Variants in TNPO1 observed in about 807,000 individuals in gnomAD.
The protein encoded by TNPO1 is transportin-1.
Under a neutral mutation model 119.5 loss-of-function variants are expected in TNPO1, and 8 were observed. That is an observed-to-expected ratio of 0.07 (90% CI 0.04 to 0.12). The LOEUF is 0.12. TNPO1 is among the 10% of genes least tolerant of loss of function. TNPO1 has a pLI of 1.00. For synonymous variants in TNPO1, 362 were observed against 363.0 expected, an observed-to-expected ratio of 1.00 and a Z score of 0.03; for missense variants, 576 against 1,089.8, an observed-to-expected ratio of 0.53 and a Z score of 6.64.
At chr5:72,855,389 A>G (rs1184633704) in intron 3 of TNPO1, among the ~76,000 whole-genome samples, 2 of 152,182 alleles carry the variant, frequency 1.3e-5, no homozygotes, top group East Asian at 3.8e-4. Context: ...GGCCATATAT[A>G]TAAACGAAAT....
At chr5:72,857,118 G>T (rs906832684) in intron 4 of TNPO1, among the ~76,000 whole-genome samples, 3 of 152,020 alleles carry the variant, frequency 2.0e-5, no homozygotes, top group Admixed American at 6.6e-5. Context: ...TCAGGAGTTC[G>T]AGACCAGCCT....
intron 1 of TNPO1, among the ~76,000 whole-genome samples, chr5:72,822,043 T>C (rs1743982266): frequency 6.6e-6 from 1 of 152,188 alleles, no homozygotes; most frequent in African/African-American, 2.4e-5. Context: ...CAAACTCTAA[T>C]ATATAGTAGA....
In TNPO1 at chr5:72,897,062, A is replaced by G. The variant is rs750913718; in HGVS notation, c.2249A>G (p.Glu750Gly). 6.3e-7 allele frequency: 1 copy of G among 1,591,214 alleles called. No homozygotes were observed. The highest frequency in any genetic ancestry group is 8.5e-7 in the Non-Finnish European group (1 of 1,172,600). ...TTTTTGGGATGATCTCTAGGTATAG[A>G]GATGCAGCCTTATATTCCTATGGTG... ...IGEISIQMGI[E>G]MQPYIPMVLH... The change falls in exon 20 of 25, where the codon GAG becomes GGG. Residue 750 changes from glutamate to glycine, a missense_variant. Coordinates refer to ENST00000337273, the MANE Select transcript of TNPO1 (RefSeq NM_002270.4).
At chr5:72,859,920 C>A (rs1224160407) in intron 4 of TNPO1, among the ~76,000 whole-genome samples, 1 of 152,192 alleles carries the variant, frequency 6.6e-6, no homozygotes, top group Non-Finnish European at 1.5e-5. Context: ...TCCCTTATTT[C>A]TTTTATATTT....
intron 10 of TNPO1, 81 bp from the exon 11 acceptor site, chr5:72,882,983 G>T: frequency 1.0e-6 from 1 of 983,068 alleles, no homozygotes; most frequent in Non-Finnish European, 1.6e-6. Flanking sequence ...CCCATCTCTG[G>T]ATATTCTGTT....
intron 23 of TNPO1, 79 bp downstream of exon 23, chr5:72,903,862 T>C: frequency 2.0e-6 from 2 of 1,021,184 alleles, no homozygotes; most frequent in South Asian, 3.2e-5. Flanking sequence ...TGTTTACATT[T>C]TTTGTGAAAG....
chr5:72,816,710 G>A lies in TNPO1; in HGVS notation c.-28G>A, dbSNP rs1417025492. The A allele has an allele frequency of 6.4e-7, 1 of 1,565,192 alleles. No homozygotes were observed. The highest frequency in any genetic ancestry group is 8.6e-7 in the Non-Finnish European group (1 of 1,157,858). ...GACAGGAGGCAGTGCCGCTTCGGCC[G>A]AAGGCCCGAGCGCCCGAGGCGTCTG... is the stretch of plus-strand genomic sequence containing the variant. On this transcript the variant is annotated 5_prime_UTR_variant, in exon 1 of 25. Transcript: ENST00000337273.
intron 1 of TNPO1, among the ~76,000 whole-genome samples, chr5:72,835,174 A>G (rs1415037164): frequency 3.3e-5 from 5 of 152,230 alleles, no homozygotes; most frequent in Non-Finnish European, 7.3e-5. Flanking sequence ...CTTAACTGAC[A>G]CATGACTAAG....
intron 23 of TNPO1, 146 bp from the exon 24 acceptor site, chr5:72,905,157 T>C: frequency 1.7e-6 from 1 of 594,526 alleles, no homozygotes; most frequent in Non-Finnish European, 2.9e-6. Flanking sequence ...TAGCAGGGAA[T>C]GGTGTAGAAT....
chr5:72,858,276 T>C (rs1351380155), intron 4 of TNPO1, among the ~76,000 whole-genome samples: 1 of 152,234 alleles, frequency 6.6e-6, no homozygotes, highest in African/African-American at 2.4e-5. Flanking sequence ...CTGCTGAAGC[T>C]AGTTAATGGA....
At chr5:72,903,845 T>C in intron 23 of TNPO1, 62 bp downstream of exon 23, 1 of 1,124,344 alleles carries the variant, frequency 8.9e-7, no homozygotes, top group East Asian at 2.5e-5. Flanking sequence ...TGGAAAACTT[T>C]AAATTATGTT....
chr5:72,905,170 T>C (rs1750057168), intron 23 of TNPO1, 133 bp from the exon 24 acceptor site: 11 of 660,464 alleles, frequency 1.7e-5, no homozygotes, highest in Non-Finnish European at 2.6e-5. Context: ...TGTAGAATCC[T>C]ACGAAGTTTG....
intron 20 of TNPO1, among the ~76,000 whole-genome samples, chr5:72,898,698 A>C (rs376104457): frequency 6.6e-6 from 1 of 152,096 alleles, no homozygotes; most frequent in African/African-American, 2.4e-5. Context: ...AACTTTTTCA[A>C]TGGACCATCA....
Position 72,861,801 on chromosome 5 carries a change from G to C in TNPO1, c.356-7G>C. 1.2e-6 allele frequency: 2 copies of C among 1,603,496 alleles called. No individual in the cohort carries two copies. The highest frequency in any genetic ancestry group is 1.7e-6 in the Non-Finnish European group (2 of 1,170,880). On this transcript the variant is annotated splice_polypyrimidine_tract_variant and splice_region_variant and intron_variant, in intron 4 of 24. Coordinates refer to ENST00000337273, the MANE Select transcript of TNPO1 (RefSeq NM_002270.4). ...GGATTTCCTAAAGAAGTGTGTTTTT[G>C]TTCAAGGTATTTTGATCACAACTAT...
chr5:72,828,203 A>G (rs1404574456), intron 1 of TNPO1, among the ~76,000 whole-genome samples: 3 of 152,152 alleles, frequency 2.0e-5, no homozygotes, highest in African/African-American at 7.2e-5. Flanking sequence ...AGCACTGTGA[A>G]GAAATTAAGA....
intron 9 of TNPO1, 79 bp downstream of exon 9, chr5:72,877,425 T>C (rs547808486): frequency 1.4e-6 from 1 of 736,672 alleles, no homozygotes; most frequent in Admixed American, 2.6e-5. Context: ...TTTATAAAAT[T>C]CATTCTTTTG....
chr5:72,818,966 G>T (rs559433302), intron 1 of TNPO1, among the ~76,000 whole-genome samples: 1 of 152,350 alleles, frequency 6.6e-6, no homozygotes, highest in South Asian at 2.1e-4. Context: ...CTTCTGGGTT[G>T]TACAAGGGAT....
At chr5:72,887,758 T>A (rs534203909) in intron 12 of TNPO1, among the ~76,000 whole-genome samples, 150 of 151,726 alleles carry the variant, frequency 9.9e-4, no homozygotes, top group Non-Finnish European at 7.7e-4. Context: ...CCCATTGCTT[T>A]AAAAAAAAAT....
In TNPO1 at chr5:72,854,301, A is replaced by G. The variant is rs1360542642; in HGVS notation, c.206-1473A>G. Among the ~76,000 whole-genome samples the G allele has an allele frequency of 2.6e-5, 4 of 152,214 alleles. No homozygotes were observed. In the East Asian group the frequency reaches 5.8e-4, roughly 22 times the overall value. On this transcript the variant is annotated intron_variant, in intron 3 of 24. Coordinates refer to ENST00000337273, the MANE Select transcript of TNPO1 (RefSeq NM_002270.4). The stretch of plus-strand genomic sequence containing the variant: ...GAAAGTAGTTTTTAAATGATGACAT[A>G]CAAGGTTTTATAGTGCTGTGATGAC...
Sources: allele counts gnomAD v4.1 joint callset (sites outside exome capture counted in the v4.1 genomes callset), GRCh38; gene constraint gnomAD v4.1.1; transcripts MANE v1.5; gene names NCBI Gene and HGNC (gene_info 2026-07-23, HGNC 2026-07-21).